Variants in RRAGD observed in about 807,000 individuals in gnomAD.
RRAGD encodes Ras related GTP binding D.
Under a neutral mutation model 35.5 loss-of-function variants are expected in RRAGD, and 12 were observed. The observed-to-expected ratio is 0.34, with a 90% CI of 0.22 to 0.55. The LOEUF (loss-of-function observed/expected upper bound fraction) is 0.55, where lower values mean the gene tolerates loss of function less well. Ranked by LOEUF, RRAGD falls within the 20% of genes least tolerant of loss-of-function variation. The pLI, the probability that RRAGD is intolerant of heterozygous loss-of-function variation, is 0.91. For synonymous variants in RRAGD, 155 were observed against 178.9 expected (o/e 0.87, Z 1.07); for missense variants, 324 against 490.1 (o/e 0.66, Z 3.20).
At chr6:89,388,547 A>G (rs1302884278) in intron 1 of RRAGD, among the ~76,000 whole-genome samples, 1 of 152,138 alleles carries the variant, frequency 6.6e-6, no homozygotes, top group African/African-American at 2.4e-5. Context: ...TCATCGTGGC[A>G]AGTACTCAAT....
intron 5 of RRAGD, among the ~76,000 whole-genome samples, chr6:89,374,423 T>C (rs946625045): frequency 6.6e-6 from 1 of 152,182 alleles, no homozygotes. Flanking sequence ...TAAGCTGCCA[T>C]ATACATGGCC....
At chr6:89,409,645 A>C (rs968069778) in intron 1 of RRAGD, among the ~76,000 whole-genome samples, 3 of 152,234 alleles carry the variant, frequency 2.0e-5, no homozygotes, top group Non-Finnish European at 4.4e-5. Context: ...TCCCCAGACC[A>C]TATCAGCTGG....
chr6:89,372,687 A>C, intron 5 of RRAGD, 102 bp from the exon 6 acceptor site: 2 of 1,256,976 alleles, frequency 1.6e-6, no homozygotes, highest in Non-Finnish European at 2.2e-6. Context: ...AGTGATAATC[A>C]TAAGTTGTTT....
chr6:89,369,137 G>A (rs1024524658), intron 6 of RRAGD, among the ~76,000 whole-genome samples: 2 of 151,856 alleles, frequency 1.3e-5, no homozygotes, highest in East Asian at 3.9e-4. Flanking sequence ...GGGCGGGGAG[G>A]GCACCGTCTC....
chr6:89,373,787 A>G (rs1648116392), intron 5 of RRAGD, among the ~76,000 whole-genome samples: 1 of 151,960 alleles, frequency 6.6e-6, no homozygotes, highest in Non-Finnish European at 1.5e-5. Context: ...ACTAACAGTA[A>G]TTATTTCAAA....
At chr6:89,372,358 C>T in intron 6 of RRAGD, 79 bp downstream of exon 6, 1 of 1,443,732 alleles carries the variant, frequency 6.9e-7, no homozygotes, top group South Asian at 1.3e-5. Flanking sequence ...TGTTGTCCAC[C>T]CACATTCAAC....
At chr6:89,408,670 C>A (rs1769636009) in intron 1 of RRAGD, among the ~76,000 whole-genome samples, 1 of 152,204 alleles carries the variant, frequency 6.6e-6, no homozygotes, top group African/African-American at 2.4e-5. Context: ...AAAGACCGAA[C>A]TTCACTGGAC....
At chr6:89,402,236 C>T (rs556339893) in intron 1 of RRAGD, among the ~76,000 whole-genome samples, 2 of 151,610 alleles carry the variant, frequency 1.3e-5, no homozygotes, top group Admixed American at 1.3e-4. Context: ...TTAGTAGAGA[C>T]GAGGCTTCAC....
At chr6:89,374,597 G>C (rs911043516) in intron 5 of RRAGD, among the ~76,000 whole-genome samples, 4 of 152,110 alleles carry the variant, frequency 2.6e-5, no homozygotes, top group African/African-American at 4.8e-5. Context: ...AGGCGTGGTA[G>C]TGCATGCCTG....
intron 4 of RRAGD, among the ~76,000 whole-genome samples, chr6:89,378,250 C>T (rs1351782717): frequency 1.3e-5 from 2 of 151,130 alleles, no homozygotes; most frequent in Non-Finnish European, 2.9e-5. Context: ...AGCGGTGAGC[C>T]GAGATGGCGC....
chr6:89,394,813 T>C (rs1033648602), intron 1 of RRAGD, among the ~76,000 whole-genome samples: 3 of 152,156 alleles, frequency 2.0e-5, no homozygotes, highest in Non-Finnish European at 2.9e-5. Context: ...TGGCAAAGTG[T>C]AGGTAGAAGG....
chr6:89,374,590 C>T (rs55716116), intron 5 of RRAGD, among the ~76,000 whole-genome samples: 21,229 of 151,826 alleles, frequency 0.14, 1,901 homozygotes, highest in East Asian at 0.33. Flanking sequence ...ATTAGCTAGG[C>T]GTGGTAGTGC....
intron 1 of RRAGD, among the ~76,000 whole-genome samples, chr6:89,401,886 C>A (rs1769472343): frequency 6.6e-6 from 1 of 152,134 alleles, no homozygotes; most frequent in African/African-American, 2.4e-5. Flanking sequence ...GTCTCTCTCA[C>A]ATATGCACAG....
chr6:89,368,784 T>G (rs1177001404), intron 6 of RRAGD, among the ~76,000 whole-genome samples: 2 of 152,206 alleles, frequency 1.3e-5, no homozygotes, highest in African/African-American at 2.4e-5. Context: ...CTTTTCAGTA[T>G]TAAGTATTTT....
intron 2 of RRAGD, among the ~76,000 whole-genome samples, chr6:89,386,229 G>A (rs1471663081): frequency 6.6e-6 from 1 of 152,220 alleles, no homozygotes; most frequent in Non-Finnish European, 1.5e-5. Flanking sequence ...AAGAGCCCCA[G>A]ACATGGATAG....
Position 89,411,898 on chromosome 6 carries a change from T to G in RRAGD, c.96A>C (p.Gly32=). The G allele has an allele frequency of 6.5e-7, 1 of 1,545,656 alleles. No homozygotes were observed. The highest frequency in any genetic ancestry group is 8.7e-7 in the Non-Finnish European group (1 of 1,148,026). Residue 32 remains glycine, a synonymous_variant, in exon 1 of 7, where the codon GGA becomes GGC. Coordinates refer to ENST00000369415, the MANE Select transcript of RRAGD (RefSeq NM_021244.5). The surrounding 1 kb of genome is among the most constrained non-coding windows in gnomAD (Gnocchi z 5.6). ...EDELVGLADY[G]DGPDSSDADP... ...CGGCGTCGGAGGAGTCGGGCCCGTC[T>G]CCGTAGTCCGCTAGCCCCACCAGCT... is the stretch of plus-strand genomic sequence containing the variant.
intron 2 of RRAGD, among the ~76,000 whole-genome samples, chr6:89,384,732 G>A (rs1040042855): frequency 7.3e-5 from 11 of 151,122 alleles, no homozygotes; most frequent in African/African-American, 1.5e-4. Context: ...GGAAAATGGC[G>A]TGAACCCAGG....
chr6:89,392,066 T>C (rs1276158299), intron 1 of RRAGD, among the ~76,000 whole-genome samples: 1 of 151,994 alleles, frequency 6.6e-6, no homozygotes, highest in Non-Finnish European at 1.5e-5. Flanking sequence ...GCAAATACTA[T>C]GGTATATAAA....
chr6:89,380,482 T>C, intron 2 of RRAGD, 115 bp from the exon 3 acceptor site: 1 of 792,920 alleles, frequency 1.3e-6, no homozygotes. Flanking sequence ...GTTGCAAAGG[T>C]TCCCCTCAAC....
Sources: gnomAD v4.1 joint callset for allele counts (sites outside exome capture counted in the v4.1 genomes callset) on GRCh38, gnomAD v4.1.1 for gene constraint, Gnocchi (gnomAD v3.1) non-coding constraint, MANE v1.5 for transcripts, NCBI Gene and HGNC (gene_info 2026-07-23, HGNC 2026-07-21) for gene names.